The following DNAJC13 variants were observed in gnomAD, a reference collection of about 807,000 sequenced individuals.
DNAJC13 encodes DnaJ heat shock protein family (Hsp40) member C13.
DNAJC13 carries 75 observed loss-of-function variants against 290.5 expected under a neutral mutation model. The observed-to-expected ratio is 0.26, with a 90% CI of 0.21 to 0.31. The LOEUF (loss-of-function observed/expected upper bound fraction) is 0.31. Ranked by LOEUF, DNAJC13 falls within the 10% of genes least tolerant of loss-of-function variation. The pLI, the probability that DNAJC13 is intolerant of heterozygous loss-of-function variation, is 1.00. For missense variants in DNAJC13, 2,260 were observed against 2,674.5 expected, an observed-to-expected ratio of 0.85 and a Z score of 3.42; for synonymous variants, 862 against 892.0, an observed-to-expected ratio of 0.97 and a Z score of 0.60.
At chr3:132,492,041 G>A (rs986497476) in intron 32 of DNAJC13, among the ~76,000 whole-genome samples, 1 of 152,146 alleles carries the variant, frequency 6.6e-6, no homozygotes, top group Admixed American at 6.6e-5. Flanking sequence ...CTAGACTACA[G>A]TAAGTTAATT....
intron 2 of DNAJC13, among the ~76,000 whole-genome samples, chr3:132,437,622 T>C (rs1269815672): frequency 6.6e-6 from 1 of 152,244 alleles, no homozygotes; most frequent in Non-Finnish European, 1.5e-5. Context: ...CAGTTTACCA[T>C]GACTGTTTAG....
intron 1 of DNAJC13, among the ~76,000 whole-genome samples, chr3:132,420,995 A>G (rs1473236348): frequency 1.3e-5 from 2 of 152,262 alleles, no homozygotes; most frequent in African/African-American, 4.8e-5. Context: ...ACTGTTTTGT[A>G]CATGTTAAAT....
chr3:132,470,578 C>T (rs1934171976), intron 20 of DNAJC13, among the ~76,000 whole-genome samples: 1 of 141,414 alleles, frequency 7.1e-6, no homozygotes, highest in Non-Finnish European at 1.6e-5. Flanking sequence ...CAGAGGCGCC[C>T]CTCACCTCCC....
chr3:132,422,425 T>C (rs535267275), intron 1 of DNAJC13, among the ~76,000 whole-genome samples: 30 of 152,328 alleles, frequency 2.0e-4, no homozygotes, highest in African/African-American at 7.0e-4. Flanking sequence ...ATCCACTAAA[T>C]GCTAGTAGTG....
intron 39 of DNAJC13, 93 bp downstream of exon 39, chr3:132,501,006 C>A (rs1202471565): frequency 2.8e-6 from 4 of 1,418,382 alleles, no homozygotes; most frequent in Non-Finnish European, 2.9e-6. Flanking sequence ...ATTGTTTTCC[C>A]AAAGTTATTT....
chr3:132,477,860 T>A lies in DNAJC13; in HGVS notation c.2517T>A (p.Asp839Glu). 1 of 1,613,454 alleles carries A rather than the reference T, an allele frequency of 6.2e-7. No individual in the cohort carries two copies. Among genetic ancestry groups the A allele is most frequent in the Non-Finnish European group, 8.5e-7 (1 of 1,179,672 alleles). ...ACCTGAGATTACTATTGGAGGAAGA[T>A]GAGAATGAAGAAAGTGGATCAATTA... ...DYYLRLLLEEDENEESGSIKR... is the reference protein window; with the variant it reads ...DYYLRLLLEEEENEESGSIKR... Residue 839 changes from aspartate (D) to glutamate (E), a missense_variant, in exon 23 of 56, where the codon GAT becomes GAA. Around this residue, in one of 3 missense-constraint regions of DNAJC13, gnomAD observed 1,494 missense variants for 1,693.7 expected, o/e 0.88. Coordinates refer to ENST00000260818, the MANE Select transcript of DNAJC13 (RefSeq NM_015268.4).
At chr3:132,477,682 A>T in intron 22 of DNAJC13, 107 bp from the exon 23 acceptor site, 1 of 754,344 alleles carries the variant, frequency 1.3e-6, no homozygotes, top group Non-Finnish European at 2.2e-6. Flanking sequence ...ATTAACAGGT[A>T]TTTTAAGAAA....
intron 41 of DNAJC13, 95 bp from the exon 42 acceptor site, chr3:132,505,207 T>G (rs750278090): frequency 2.5e-5 from 18 of 727,874 alleles, no homozygotes; most frequent in Non-Finnish European, 3.8e-5. Flanking sequence ...TAGGCAACTA[T>G]TATAGTGTTT....
chr3:132,495,010 A>G, intron 34 of DNAJC13, 78 bp from the exon 35 acceptor site: 6 of 958,460 alleles, frequency 6.3e-6, no homozygotes, highest in Non-Finnish European at 8.0e-6. Context: ...GATTCTTAAA[A>G]TATCATTTTA....
rs1490353683 is a variant in DNAJC13 at position 132,417,674 on chromosome 3, G to A, written c.-100G>A. 6.6e-6 allele frequency: 1 copy of A among 152,410 alleles called. No homozygotes were observed. Among genetic ancestry groups the A allele is most frequent in the Admixed American group, 6.5e-5 (1 of 15,302 alleles). The allele number at this position is 152,410 out of a possible 1,614,324, so 9.4% of individuals were successfully genotyped here. A position where few individuals can be genotyped will look rare whatever the true frequency, so the allele number is the denominator to read the frequency against. On this transcript the variant is annotated 5_prime_UTR_variant, in exon 1 of 56. Transcript: ENST00000260818. ...GGAAAGGGGAAGTGGTGAGGGTGAG[G>A]AGGCCGGAGGGCGCCTCATCCCACT... is the stretch of plus-strand genomic sequence containing the variant.
intron 41 of DNAJC13, among the ~76,000 whole-genome samples, chr3:132,504,025 T>C (rs1467542837): frequency 6.6e-6 from 1 of 151,652 alleles, no homozygotes; most frequent in Non-Finnish European, 1.5e-5. Context: ...ATGAAGACAC[T>C]AGATCCTATT....
intron 51 of DNAJC13, 113 bp downstream of exon 51, chr3:132,523,826 CA>C (rs1559912573): frequency 9.6e-7 from 1 of 1,040,128 alleles, no homozygotes; most frequent in Non-Finnish European, 1.4e-6. Context: ...CCAGCTCTTT[CA>C]ATATAGCAGC....
intron 47 of DNAJC13, 58 bp from the exon 48 acceptor site, chr3:132,516,646 A>C (rs559460784): frequency 1.0e-4 from 159 of 1,545,000 alleles, no homozygotes; most frequent in Non-Finnish European, 1.1e-4. Flanking sequence ...GTTGAAAATG[A>C]ATTCTGATTA....
At chr3:132,440,140 C>A (rs148344439) in intron 2 of DNAJC13, among the ~76,000 whole-genome samples, 1 of 152,118 alleles carries the variant, frequency 6.6e-6, no homozygotes, top group Non-Finnish European at 1.5e-5. Flanking sequence ...GCCTGTAGTT[C>A]CAGCTACTCA....
At chr3:132,512,874 T>A (rs1342688167) in intron 44 of DNAJC13, 134 bp from the exon 45 acceptor site, 3 of 717,764 alleles carry the variant, frequency 4.2e-6, no homozygotes, top group Non-Finnish European at 7.0e-6. Flanking sequence ...CTCCACTTAC[T>A]TCATGTCACA....
chr3:132,475,692 C>T (rs1396380145), intron 22 of DNAJC13, among the ~76,000 whole-genome samples: 4 of 152,052 alleles, frequency 2.6e-5, no homozygotes, highest in Admixed American at 6.6e-5. Context: ...TGGATATGCT[C>T]ATTCTTTTCT....
At chr3:132,432,215 T>TGG (rs796693101) in intron 1 of DNAJC13, among the ~76,000 whole-genome samples, 1 of 151,584 alleles carries the variant, frequency 6.6e-6, no homozygotes, top group African/African-American at 2.4e-5. Context: ...TTTGTTTTTT[T>TGG]GGGGGGGGAC....
chr3:132,436,563 G>A (rs1939391878), intron 2 of DNAJC13, among the ~76,000 whole-genome samples: 1 of 152,154 alleles, frequency 6.6e-6, no homozygotes, highest in Non-Finnish European at 1.5e-5. Context: ...GAATTGGTGG[G>A]TTATGTGGTA....
chr3:132,494,374 A>G (rs1396727043), intron 34 of DNAJC13, 115 bp downstream of exon 34: 1 of 805,020 alleles, frequency 1.2e-6, no homozygotes, highest in African/African-American at 1.8e-5. Context: ...ACTTTGATAT[A>G]TACACCTTGG....
Sources: allele counts gnomAD v4.1 joint callset (sites outside exome capture counted in the v4.1 genomes callset), GRCh38; gene constraint gnomAD v4.1.1; regional missense constraint gnomAD v4.1.1; transcripts MANE v1.5; gene names NCBI Gene and HGNC (gene_info 2026-07-23, HGNC 2026-07-21).